The following ARHGAP44 variants were observed in gnomAD, a reference collection of about 807,000 sequenced individuals.
The protein encoded by ARHGAP44 is rho GTPase-activating protein 44.
Under a neutral mutation model 106.8 loss-of-function variants are expected in ARHGAP44, and 43 were observed. That is an observed-to-expected ratio of 0.40 (90% CI 0.32 to 0.52). The LOEUF (loss-of-function observed/expected upper bound fraction) is 0.52, where lower values mean the gene tolerates loss of function less well. ARHGAP44 is among the 20% of genes least tolerant of loss of function. The pLI is 0.48. For synonymous variants in ARHGAP44, 439 were observed against 410.3 expected, an observed-to-expected ratio of 1.07 and a Z score of -0.85; for missense variants, 866 against 1,050.5, an observed-to-expected ratio of 0.82 and a Z score of 2.43.
chr17:12,908,361 TA>T (rs1208456302), intron 3 of ARHGAP44, among the ~76,000 whole-genome samples: 1 of 151,980 alleles, frequency 6.6e-6, no homozygotes, highest in African/African-American at 2.4e-5. Flanking sequence ...CACACCCAGT[TA>T]ATTTTTATGT....
intron 1 of ARHGAP44, among the ~76,000 whole-genome samples, chr17:12,794,181 C>T (rs1475124034): frequency 6.6e-6 from 1 of 152,152 alleles, no homozygotes; most frequent in Non-Finnish European, 1.5e-5. Context: ...TTGGAAGTGA[C>T]ATTTGCTTGA....
At chr17:12,943,498 GAAGCACCTTTCTGCA>G (rs992818664) in intron 8 of ARHGAP44, 75 bp from the exon 9 acceptor site, 4 of 1,219,546 alleles carry the variant, frequency 3.3e-6, no homozygotes, top group African/African-American at 3.0e-5. Context: ...TCCGCATGTG[GAAGCACCTTTCTGCA>G]AAATGCTTTG....
At chr17:12,957,600 T>C (rs576720347) in intron 15 of ARHGAP44, among the ~76,000 whole-genome samples, 2 of 152,268 alleles carry the variant, frequency 1.3e-5, no homozygotes, top group Admixed American at 6.5e-5. Flanking sequence ...AGATTCTTTT[T>C]TTTAATGCCT....
intron 1 of ARHGAP44, among the ~76,000 whole-genome samples, chr17:12,851,042 G>A (rs1053519762): frequency 2.6e-5 from 4 of 152,224 alleles, no homozygotes; most frequent in Non-Finnish European, 4.4e-5. Context: ...GCTATGATCT[G>A]TAGAGTCCGT....
intron 10 of ARHGAP44, among the ~76,000 whole-genome samples, chr17:12,946,478 T>TA (rs71144938): frequency 0.65 from 87,036 of 134,336 alleles, 28,073 homozygotes; most frequent in African/African-American, 0.74. Context: ...AGATGCTCTC[T>TA]AAAAAAAAAA....
rs58231055 is a variant in ARHGAP44 at position 12,913,968 on chromosome 17, CAA to C, written c.276-1911_276-1910del. Among the ~76,000 whole-genome samples, 205 of 63,454 alleles carry C rather than the reference CAA, an allele frequency of 3.2e-3. 1 individual carries two copies. The highest frequency in any genetic ancestry group is 0.029 in the South Asian group (41 of 1,420). 41.6% of individuals were successfully genotyped at this position (63,454 alleles called of 152,430 possible). A position where few individuals can be genotyped will look rare whatever the true frequency, so the allele number is the denominator to read the frequency against. On this transcript the variant is annotated intron_variant, in intron 4 of 20. Coordinates refer to ENST00000379672, the MANE Select transcript of ARHGAP44 (RefSeq NM_014859.6). Reference sequence around the variant, plus strand: ...TGGGTGATAGAGTGAGATTTTGTCTCAAAAAAAAAAAAAAAAAAAAAAGGCAC... The same window carrying C: ...TGGGTGATAGAGTGAGATTTTGTCTCAAAAAAAAAAAAAAAAAAAAGGCAC...
At chr17:12,951,830 C>G (rs539300450) in intron 12 of ARHGAP44, among the ~76,000 whole-genome samples, 6 of 152,274 alleles carry the variant, frequency 3.9e-5, no homozygotes, top group Non-Finnish European at 5.9e-5. Context: ...ATGCGTGAAC[C>G]CTTTTTTCAG....
At chr17:12,900,557 A>G (rs544038742) in intron 3 of ARHGAP44, among the ~76,000 whole-genome samples, 1 of 152,330 alleles carries the variant, frequency 6.6e-6, no homozygotes, top group African/African-American at 2.4e-5. Context: ...CCCAACAAAT[A>G]AAGTGCTACC....
At chr17:12,850,687 C>T (rs1478865383) in intron 1 of ARHGAP44, among the ~76,000 whole-genome samples, 1 of 152,202 alleles carries the variant, frequency 6.6e-6, no homozygotes, top group African/African-American at 2.4e-5. Flanking sequence ...CACCTGGAGT[C>T]ACCAGGATTG....
chr17:12,970,871 C>CA (rs1353762370), intron 16 of ARHGAP44, among the ~76,000 whole-genome samples: 2 of 152,188 alleles, frequency 1.3e-5, no homozygotes, highest in African/African-American at 4.8e-5. Context: ...TTTCTGTCTT[C>CA]AGGTTGAGTT....
intron 1 of ARHGAP44, among the ~76,000 whole-genome samples, chr17:12,836,830 G>A (rs79906719): frequency 0.021 from 3,126 of 152,284 alleles, 99 homozygotes; most frequent in African/African-American, 0.071. Context: ...TTATAGGTGA[G>A]GACTTCACCA....
intron 19 of ARHGAP44, among the ~76,000 whole-genome samples, chr17:12,982,309 C>A (rs1377133164): frequency 1.7e-5 from 2 of 116,486 alleles, no homozygotes; most frequent in Admixed American, 9.3e-5. Flanking sequence ...CTTAGCAGGT[C>A]TTTTTTTTTA....
chr17:12,955,290 C>T (rs540575608), intron 13 of ARHGAP44, among the ~76,000 whole-genome samples: 17 of 152,224 alleles, frequency 1.1e-4, no homozygotes, highest in South Asian at 2.1e-4. Context: ...TTCCACCCTT[C>T]GGCTATTATT....
intron 14 of ARHGAP44, among the ~76,000 whole-genome samples, chr17:12,956,325 C>T (rs2039125849): frequency 1.3e-5 from 2 of 152,094 alleles, no homozygotes; most frequent in South Asian, 4.2e-4. Flanking sequence ...CCTCAGGATT[C>T]GGAGGGATAG....
intron 2 of ARHGAP44, among the ~76,000 whole-genome samples, chr17:12,896,053 T>A (rs977569570): frequency 7.4e-6 from 1 of 135,422 alleles, no homozygotes; most frequent in Non-Finnish European, 1.5e-5. Flanking sequence ...AATTGAACAA[T>A]GAGAACACTT....
In ARHGAP44 at chr17:12,814,235, G is replaced by GTTTT. The variant is rs773171329; in HGVS notation, c.53+24364_53+24367dup. On this transcript the variant is annotated intron_variant, in intron 1 of 20. Transcript: ENST00000379672. ...CTGTGCAGCCACCTCCCAAACTGGT[G>GTTTT]TTTTTTTTTTTTTTTTTTTTTTTGA... Among the ~76,000 whole-genome samples the GTTTT allele has an allele frequency of 1.8e-3, 159 of 87,270 alleles. 2 individuals carry two copies. Among genetic ancestry groups the GTTTT allele is most frequent in the African/African-American group, 5.9e-3 (121 of 20,398 alleles). 57.3% of individuals were successfully genotyped at this position (87,270 alleles called of 152,430 possible). A position where few individuals can be genotyped will look rare whatever the true frequency, so the allele number is the denominator to read the frequency against.
At chr17:12,943,495 G>A in intron 8 of ARHGAP44, 93 bp from the exon 9 acceptor site, 1 of 1,166,128 alleles carries the variant, frequency 8.6e-7, no homozygotes, top group Non-Finnish European at 1.3e-6. Context: ...CCTTCCGCAT[G>A]TGGAAGCACC....
chr17:12,845,522 A>AG (rs1330851877), intron 1 of ARHGAP44, among the ~76,000 whole-genome samples: 1 of 148,938 alleles, frequency 6.7e-6, no homozygotes, highest in Non-Finnish European at 1.5e-5. Context: ...AAAAAAAAAA[A>AG]CAAAAAAACA....
At chr17:12,962,517 A>C (rs1472424968) in intron 16 of ARHGAP44, among the ~76,000 whole-genome samples, 2 of 152,202 alleles carry the variant, frequency 1.3e-5, no homozygotes, top group Non-Finnish European at 2.9e-5. Flanking sequence ...GAGATTGATT[A>C]TTTTGGATTA....
Sources: gnomAD v4.1 joint callset for allele counts (sites outside exome capture counted in the v4.1 genomes callset) on GRCh38, gnomAD v4.1.1 for gene constraint, MANE v1.5 for transcripts, NCBI Gene and HGNC (gene_info 2026-07-23, HGNC 2026-07-21) for gene names.